Variants in ABCD2 observed in about 807,000 individuals in gnomAD.
The protein encoded by ABCD2 is ATP binding cassette subfamily D member 2, also known as ATP-binding cassette sub-family D member 2.
Under a neutral mutation model 70.9 loss-of-function variants are expected in ABCD2, and 36 were observed. The ratio of observed to expected loss-of-function variants is 0.51; its 90% CI spans 0.39 to 0.67. The LOEUF is 0.67. Among genes scored for constraint, ABCD2 ranks in the 30% least tolerant of loss-of-function variants. The pLI, the probability that ABCD2 is intolerant of heterozygous loss-of-function variation, is 0.00. For missense variants in ABCD2, 729 were observed against 890.2 expected (o/e 0.82, Z 2.30); for synonymous variants, 304 against 306.9 (o/e 0.99, Z 0.10).
At chr12:39,555,297 C>T (rs1313609817) in intron 9 of ABCD2, among the ~76,000 whole-genome samples, 1 of 152,042 alleles carries the variant, frequency 6.6e-6, no homozygotes, top group African/African-American at 2.4e-5. Flanking sequence ...GAATATGTGG[C>T]CTTTTGTGAC....
chr12:39,531,165 G>GT, the ABCD2 span, among the ~76,000 whole-genome samples: 1 of 152,154 alleles, frequency 6.6e-6, no homozygotes, highest in African/African-American at 2.4e-5. Context: ...TCTAGTGGGG[G>GT]TAGGAGGGTT....
chr12:39,589,417 C>T (rs1317898484), intron 6 of ABCD2, among the ~76,000 whole-genome samples: 163 of 130,398 alleles, frequency 1.3e-3, no homozygotes, highest in African/African-American at 4.3e-3. Flanking sequence ...GACGGAGTCT[C>T]GCTTTGTCGC....
the ABCD2 span, among the ~76,000 whole-genome samples, chr12:39,533,530 C>T: frequency 5.3e-5 from 8 of 152,094 alleles, no homozygotes; most frequent in African/African-American, 1.7e-4. Flanking sequence ...TTTCTCATAC[C>T]TCACAATATT....
chr12:39,554,361 A>G (rs1327975576), intron 9 of ABCD2, among the ~76,000 whole-genome samples: 1 of 152,110 alleles, frequency 6.6e-6, no homozygotes, highest in Non-Finnish European at 1.5e-5. Flanking sequence ...TTCTGGATGT[A>G]TATTAACTGT....
Position 39,619,329 on chromosome 12 carries a change from A to G in ABCD2, c.287T>C (p.Phe96Ser), listed in dbSNP as rs1188766536. Residue 96 changes from phenylalanine to serine, a missense_variant, in exon 1 of 10, where the codon TTT becomes TCT. Around this residue, in one of 3 missense-constraint regions of ABCD2, gnomAD observed 245 missense variants for 261.2 expected, o/e 0.94. Coordinates refer to ENST00000308666, the MANE Select transcript of ABCD2 (RefSeq NM_005164.4). ...TGTTTCAGTGGTCACAAGTTTTGGA[A>G]ACAAAATTTTCCGAAGTTCTAGTAG... ...KQLLELRKILFPKLVTTETGW... is the reference protein window; with the variant it reads ...KQLLELRKILSPKLVTTETGW... The G allele has an allele frequency of 6.2e-7, 1 of 1,614,016 alleles. No homozygotes were observed. The highest frequency in any genetic ancestry group is 1.3e-5 in the African/African-American group (1 of 74,898).
chr12:39,608,549 A>G (rs534047137), intron 2 of ABCD2, among the ~76,000 whole-genome samples: 1 of 151,866 alleles, frequency 6.6e-6, no homozygotes, highest in African/African-American at 2.4e-5. Flanking sequence ...TTAGCCGGGC[A>G]TGATGGCAGA....
intron 6 of ABCD2, among the ~76,000 whole-genome samples, chr12:39,587,906 A>G (rs1000808418): frequency 1.3e-5 from 2 of 152,236 alleles, no homozygotes; most frequent in Non-Finnish European, 2.9e-5. Flanking sequence ...ACTTGGCTAT[A>G]TAATTTCAGT....
intron 8 of ABCD2, among the ~76,000 whole-genome samples, chr12:39,576,805 G>GT (rs939695782): frequency 1.2e-4 from 18 of 152,122 alleles, no homozygotes; most frequent in Middle Eastern, 6.8e-3. Flanking sequence ...TAACAGAAAT[G>GT]TTTTTTTATC....
At chr12:39,542,204 C>G in the ABCD2 span, among the ~76,000 whole-genome samples, 5 of 152,058 alleles carry the variant, frequency 3.3e-5, no homozygotes, top group Non-Finnish European at 7.4e-5. Context: ...TGGATCATGC[C>G]TGTAATCCCA....
chr12:39,582,599 A>G (rs890071289), intron 7 of ABCD2, among the ~76,000 whole-genome samples: 21 of 152,222 alleles, frequency 1.4e-4, no homozygotes, highest in Non-Finnish European at 1.5e-5. Context: ...CAAGATAAAC[A>G]TGTAGCATTT....
chr12:39,557,356 C>T (rs559926624), intron 9 of ABCD2, among the ~76,000 whole-genome samples: 14 of 152,074 alleles, frequency 9.2e-5, no homozygotes, highest in Non-Finnish European at 1.9e-4. Flanking sequence ...AATCTGGGTG[C>T]TCTTAAAAGT....
chr12:39,619,101 G>A lies in ABCD2; in HGVS notation c.515C>T (p.Ala172Val). The change falls in exon 1 of 10, where the codon GCT (alanine) becomes GTT (valine). Residue 172 changes from alanine (A) to valine (V), a missense_variant. Physicochemically the swap from Ala to Val is moderately conservative, Grantham distance 64. Transcript: ENST00000308666. The stretch of plus-strand genomic sequence containing the variant: ...TACTAGGCGAGTTCTGAAGGCCAAA[G>A]CCAATTTGCATTCCAGGTACCTTAT... Reference protein sequence around the residue: ...SAIRYLECKLALAFRTRLVDH... With the variant: ...SAIRYLECKLVLAFRTRLVDH... 1 of 1,614,206 alleles carries A rather than the reference G, an allele frequency of 6.2e-7. No individual in the cohort carries two copies. The highest frequency in any genetic ancestry group is 8.5e-7 in the Non-Finnish European group (1 of 1,180,038).
rs1035058269 is a variant in ABCD2, at chr12:39,592,907, A to G, written c.1647-6610T>C. 3.9e-5 allele frequency among the ~76,000 whole-genome samples: 6 copies of G among 152,328 alleles called. No homozygotes were observed. The South Asian group carries it at 1.2e-3, about 32-fold the overall frequency. ...GAAAATTGAGATTAAGATATTTAAA[A>G]CAGCATACCCCAGATTCTTGCTTAG... is the stretch of plus-strand genomic sequence containing the variant. On this transcript the variant is annotated intron_variant, in intron 6 of 9. Coordinates refer to ENST00000308666, the MANE Select transcript of ABCD2 (RefSeq NM_005164.4).
At chr12:39,607,774 A>G (rs968573844) in intron 2 of ABCD2, 60 bp from the exon 3 acceptor site, 1 of 1,048,198 alleles carries the variant, frequency 9.5e-7, no homozygotes, top group Non-Finnish European at 1.4e-6. Context: ...TTAGTAACTT[A>G]ATGTTTTATA....
At chr12:39,576,277 A>T (rs1941515206) in intron 8 of ABCD2, among the ~76,000 whole-genome samples, 1 of 152,112 alleles carries the variant, frequency 6.6e-6, no homozygotes, top group Admixed American at 6.6e-5. Context: ...CCGCTGCCTC[A>T]GCCTCCCGAG....
chr12:39,568,077 CT>C lies in ABCD2; in HGVS notation c.2003+5638del, dbSNP rs1279058405. 3.3e-5 allele frequency among the ~76,000 whole-genome samples: 5 copies of C among 151,920 alleles called. No individual in the cohort carries two copies. In the East Asian group the frequency reaches 9.6e-4, roughly 29 times the overall value. On this transcript the variant is annotated intron_variant, in intron 9 of 9. Transcript: ENST00000308666. ...CTTAACATTTTTTCCTTCATTTCAA[CT>C]TTGGTGAATCTGACAATTATGTGTC... is the stretch of plus-strand genomic sequence containing the variant.
the ABCD2 span, among the ~76,000 whole-genome samples, chr12:39,534,807 A>G: frequency 7.4e-6 from 1 of 135,980 alleles, no homozygotes; most frequent in East Asian, 2.2e-4. Context: ...AGAAAGAAAG[A>G]AAAGAAAGGA....
intron 8 of ABCD2, among the ~76,000 whole-genome samples, chr12:39,576,455 G>A: frequency 6.6e-6 from 1 of 152,038 alleles, no homozygotes. Context: ...CACCGCGCCC[G>A]GGATCAAGCT....
Position 39,619,313 on chromosome 12 carries a change from G to T in ABCD2, c.303C>A (p.Thr101=). The T allele has an allele frequency of 6.2e-7, 1 of 1,614,040 alleles. No homozygotes were observed. Among genetic ancestry groups the T allele is most frequent in the Non-Finnish European group, 8.5e-7 (1 of 1,180,022 alleles). Residue 101 remains threonine, a synonymous_variant, in exon 1 of 10, where the codon ACC becomes ACA. Transcript: ENST00000308666. ...GCAGGCAGAGCCACCCTGTTTCAGTGGTCACAAGTTTTGGAAACAAAATTT... is the reference window on the plus strand; with the variant it reads ...GCAGGCAGAGCCACCCTGTTTCAGTTGTCACAAGTTTTGGAAACAAAATTT... ...LRKILFPKLV[T]TETGWLCLHS... is the part of the protein sequence containing the mutation.
Sources: allele counts gnomAD v4.1 joint callset (sites outside exome capture counted in the v4.1 genomes callset), GRCh38; gene constraint gnomAD v4.1.1; regional missense constraint gnomAD v4.1.1; transcripts MANE v1.5; gene names NCBI Gene and HGNC (gene_info 2026-07-23, HGNC 2026-07-21).